SGIP1: variants seen among roughly 807,000 people sequenced by gnomAD.
The protein encoded by SGIP1 is SH3GL interacting endocytic adaptor 1.
A neutral mutation model predicts 107.5 loss-of-function variants in SGIP1; 38 were observed. The ratio of observed to expected loss-of-function variants is 0.35; its 90% confidence interval spans 0.27 to 0.46. The LOEUF (loss-of-function observed/expected upper bound fraction) is 0.46. Ranked by LOEUF, SGIP1 falls within the 20% of genes least tolerant of loss-of-function variation. The pLI, the probability that SGIP1 is intolerant of heterozygous loss-of-function variation, is 1.00. For synonymous variants in SGIP1, 365 were observed against 366.1 expected (o/e 1.00, Z 0.03); for missense variants, 929 against 1,019.5 (o/e 0.91, Z 1.21).
intron 22 of SGIP1, among the ~76,000 whole-genome samples, chr1:66,740,102 G>A (rs991909466): frequency 2.0e-5 from 3 of 152,136 alleles, no homozygotes; most frequent in Non-Finnish European, 1.5e-5. Flanking sequence ...TTGTACCTAG[G>A]ACCCTAACTG....
chr1:66,663,082 C>A (rs940646273), intron 8 of SGIP1, among the ~76,000 whole-genome samples: 6 of 151,232 alleles, frequency 4.0e-5, no homozygotes, highest in African/African-American at 1.5e-4. Flanking sequence ...AAAAAAAAAT[C>A]TGGATGCTCA....
intron 1 of SGIP1, among the ~76,000 whole-genome samples, chr1:66,613,907 T>A (rs762920409): frequency 1.3e-5 from 2 of 152,210 alleles, no homozygotes; most frequent in Non-Finnish European, 2.9e-5. Context: ...AACAGGTTCC[T>A]TTTCTACTGA....
chr1:66,583,137 T>A (rs1381984630), intron 1 of SGIP1, among the ~76,000 whole-genome samples: 1 of 152,112 alleles, frequency 6.6e-6, no homozygotes, highest in Non-Finnish European at 1.5e-5. Flanking sequence ...AAGTGAGATA[T>A]GTCTATGCTA....
At chr1:66,626,109 TCAG>T in intron 2 of SGIP1, 199 bp downstream of exon 2, 1 of 344,520 alleles carries the variant, frequency 2.9e-6, no homozygotes, top group Non-Finnish European at 5.2e-6. Flanking sequence ...CATCATGTGT[TCAG>T]TTTTTATCAC....
chr1:66,730,984 G>A (rs1439836664), intron 20 of SGIP1, among the ~76,000 whole-genome samples: 1 of 152,112 alleles, frequency 6.6e-6, no homozygotes, highest in Non-Finnish European at 1.5e-5. Flanking sequence ...TAGTAGCTTG[G>A]TGCAAAAGTA....
chr1:66,687,553 T>C (rs1481944310), intron 15 of SGIP1, among the ~76,000 whole-genome samples: 1 of 152,188 alleles, frequency 6.6e-6, no homozygotes, highest in Non-Finnish European at 1.5e-5. Context: ...AATGTGGGAC[T>C]ATACACCACA....
intron 8 of SGIP1, among the ~76,000 whole-genome samples, chr1:66,665,674 G>C (rs1490080358): frequency 6.6e-6 from 1 of 152,204 alleles, no homozygotes; most frequent in Non-Finnish European, 1.5e-5. Flanking sequence ...TAACTGGTGT[G>C]AGATGATATC....
At position 66,739,213 on chromosome 1, in the gene SGIP1, G is replaced by A. The variant is rs116827265; in HGVS notation, c.2032-122G>A. 3.8e-3 allele frequency: 3,906 copies of A among 1,022,882 alleles called. 102 individuals carry two copies. In the African/African-American group the frequency reaches 0.058, roughly 15 times the overall value. The allele number at this position is 1,022,882 out of a possible 1,614,324, so 63.4% of individuals were successfully genotyped here. ...GAAGCACCCAGCTCTCTCACAGCACGCTTCACGGTGCCTCTCACTCACGGT... is the reference window on the plus strand; with the variant it reads ...GAAGCACCCAGCTCTCTCACAGCACACTTCACGGTGCCTCTCACTCACGGT... On this transcript the variant is annotated intron_variant, in intron 21 of 24. Transcript: ENST00000371037.
At chr1:66,600,150 A>G (rs1570388710) in intron 1 of SGIP1, among the ~76,000 whole-genome samples, 1 of 152,222 alleles carries the variant, frequency 6.6e-6, no homozygotes, top group East Asian at 1.9e-4. Context: ...ACAGCACGTT[A>G]AACAGTCAGC....
intron 1 of SGIP1, among the ~76,000 whole-genome samples, chr1:66,570,468 A>G (rs1309226234): frequency 6.6e-6 from 1 of 151,954 alleles, no homozygotes; most frequent in African/African-American, 2.4e-5. Flanking sequence ...ACTAATAGTC[A>G]ATAGACAAAT....
chr1:66,573,850 AC>A (rs920751699), intron 1 of SGIP1, among the ~76,000 whole-genome samples: 2 of 151,962 alleles, frequency 1.3e-5, no homozygotes, highest in Non-Finnish European at 1.5e-5. Context: ...TGTACAACAA[AC>A]CCCCATGACA....
intron 15 of SGIP1, 99 bp from the exon 16 acceptor site, chr1:66,689,049 A>C (rs2089208195): frequency 8.6e-6 from 1 of 116,246 alleles, no homozygotes; most frequent in Non-Finnish European, 1.1e-5. Flanking sequence ...TGCCAAGGCA[A>C]AAAAAAAAAA....
chr1:66,648,674 C>T (rs1309265690), intron 7 of SGIP1, among the ~76,000 whole-genome samples: 1 of 152,104 alleles, frequency 6.6e-6, no homozygotes, highest in Non-Finnish European at 1.5e-5. Flanking sequence ...TTCAGTTTGC[C>T]CTGTTTCTTT....
chr1:66,569,480 A>G (rs975878), intron 1 of SGIP1, among the ~76,000 whole-genome samples: 23,275 of 151,702 alleles, frequency 0.15, 1,856 homozygotes, highest in Admixed American at 0.19. Context: ...TTCTGCATCT[A>G]TTGATTTAAG....
chr1:66,588,311 C>A (rs72676198), intron 1 of SGIP1, among the ~76,000 whole-genome samples: 18,681 of 151,990 alleles, frequency 0.12, 1,182 homozygotes, highest in South Asian at 0.14. Flanking sequence ...CCAAGTTGCC[C>A]CTGACTCACT....
At chr1:66,734,517 T>G (rs1202092074) in intron 21 of SGIP1, among the ~76,000 whole-genome samples, 1 of 151,218 alleles carries the variant, frequency 6.6e-6, no homozygotes, top group East Asian at 1.9e-4. Context: ...TTTTTTTTTT[T>G]TTTTTGAGAC....
At chr1:66,625,440 G>C (rs1470192707) in intron 1 of SGIP1, among the ~76,000 whole-genome samples, 1 of 152,202 alleles carries the variant, frequency 6.6e-6, no homozygotes, top group East Asian at 1.9e-4. Context: ...CTTGGCATGG[G>C]CCACATGATC....
intron 15 of SGIP1, among the ~76,000 whole-genome samples, chr1:66,685,263 G>A (rs146077077): frequency 8.6e-4 from 131 of 152,330 alleles, no homozygotes; most frequent in African/African-American, 2.9e-3. Flanking sequence ...GATTGTCACT[G>A]ACCAAGTATA....
At chr1:66,733,600 C>A in intron 20 of SGIP1, 148 bp from the exon 21 acceptor site, 1 of 765,738 alleles carries the variant, frequency 1.3e-6, no homozygotes, top group Non-Finnish European at 2.0e-6. Context: ...GTATGAAAAC[C>A]ACACTACTGT....
Sources: gnomAD v4.1 joint callset for allele counts (sites outside exome capture counted in the v4.1 genomes callset) on GRCh38, gnomAD v4.1.1 for gene constraint, MANE v1.5 for transcripts, NCBI Gene and HGNC (gene_info 2026-07-23, HGNC 2026-07-21) for gene names.